Variants in OXR1 observed in about 807,000 individuals in gnomAD.
OXR1 encodes oxidation resistance protein 1.
OXR1 carries 41 observed loss-of-function variants against 104.6 expected under a neutral mutation model. That is an observed-to-expected ratio of 0.39 (90% CI 0.31 to 0.51). OXR1 has a LOEUF of 0.51. Ranked by LOEUF, OXR1 falls within the 20% of genes least tolerant of loss-of-function variation. OXR1 has a pLI of 0.77. For missense variants in OXR1, 955 were observed against 1,031.9 expected (o/e 0.93, Z 1.02); for synonymous variants, 348 against 348.4 (o/e 1.00, Z 0.01).
intron 3 of OXR1, among the ~76,000 whole-genome samples, chr8:106,601,824 C>T (rs1453196954): frequency 6.6e-6 from 1 of 152,108 alleles, no homozygotes; most frequent in African/African-American, 2.4e-5. Flanking sequence ...AGTGTTTGAT[C>T]AGTTATATTA....
At chr8:106,657,836 C>T (rs1348576827) in intron 3 of OXR1, 5 of 1,236,766 alleles carry the variant, frequency 4.0e-6, no homozygotes, top group Non-Finnish European at 5.1e-6. Context: ...GAGAGAGGGA[C>T]GCCCCCTCCT....
chr8:106,707,315 CTT>C, intron 9 of OXR1, 170 bp downstream of exon 9: 1 of 683,806 alleles, frequency 1.5e-6, no homozygotes, highest in East Asian at 2.7e-5. Context: ...TGTCTACTGT[CTT>C]TTCTTATCCC....
chr8:106,288,954 C>G (rs908993705), intron 1 of OXR1, among the ~76,000 whole-genome samples: 4 of 151,860 alleles, frequency 2.6e-5, no homozygotes, highest in Admixed American at 6.6e-5. Flanking sequence ...GTGAATAACA[C>G]CAGAGAAATC....
chr8:106,692,712 TAA>T lies in OXR1; in HGVS notation c.526-3_526-2del, dbSNP rs750764834. On this transcript the variant is annotated splice_polypyrimidine_tract_variant and intron_variant, in intron 6 of 16. Coordinates refer to ENST00000517566, the MANE Select transcript of OXR1 (RefSeq NM_001198533.2). The stretch of plus-strand genomic sequence containing the variant: ...TTTCTGCTTTTTTTTTTCTTTCCTT[TAA>T]AAAAAAAAAAAAGAATCCTGATGTC... 6,938 of 1,130,672 alleles carry T rather than the reference TAA, an allele frequency of 6.1e-3. No homozygotes were observed. The highest frequency in any genetic ancestry group is 0.011 in the South Asian group (479 of 43,272). 70.0% of individuals were successfully genotyped at this position (1,130,672 alleles called of 1,614,324 possible).
At chr8:106,665,643 C>T (rs1826226728) in intron 3 of OXR1, among the ~76,000 whole-genome samples, 1 of 152,108 alleles carries the variant, frequency 6.6e-6, no homozygotes, top group Admixed American at 6.5e-5. Context: ...AGAAATCTAA[C>T]ATTAAAAGTA....
intron 2 of OXR1, among the ~76,000 whole-genome samples, chr8:106,486,570 C>G (rs1207875533): frequency 6.6e-6 from 1 of 151,866 alleles, no homozygotes; most frequent in Non-Finnish European, 1.5e-5. Flanking sequence ...TTAACAATTC[C>G]TTTGTCTTTT....
At chr8:106,393,368 A>C (rs1272867415) in intron 2 of OXR1, among the ~76,000 whole-genome samples, 2 of 152,206 alleles carry the variant, frequency 1.3e-5, no homozygotes, top group African/African-American at 2.4e-5. Context: ...CCCAAAACAC[A>C]GTAACGAGTC....
intron 1 of OXR1, among the ~76,000 whole-genome samples, chr8:106,312,696 A>G (rs1813759778): frequency 6.6e-6 from 1 of 152,250 alleles, no homozygotes; most frequent in Non-Finnish European, 1.5e-5. Context: ...TTACTTGTGA[A>G]GAATGAAAAT....
intron 1 of OXR1, among the ~76,000 whole-genome samples, chr8:106,348,122 AT>A (rs1815572012): frequency 6.6e-6 from 1 of 152,198 alleles, no homozygotes; most frequent in Admixed American, 6.5e-5. Context: ...CAGTTTGTTC[AT>A]TGTGAAACAT....
At chr8:106,653,199 T>C (rs1476182519) in intron 3 of OXR1, among the ~76,000 whole-genome samples, 1 of 151,544 alleles carries the variant, frequency 6.6e-6, no homozygotes, top group Non-Finnish European at 1.5e-5. Flanking sequence ...GAATGATTAG[T>C]AACAATCCTT....
intron 2 of OXR1, among the ~76,000 whole-genome samples, chr8:106,396,824 G>A (rs1817801307): frequency 6.6e-6 from 1 of 152,022 alleles, no homozygotes. Context: ...TTAATGTTAG[G>A]AGAAACTAGA....
At chr8:106,694,751 T>G (rs1357171952) in intron 7 of OXR1, among the ~76,000 whole-genome samples, 1 of 114,052 alleles carries the variant, frequency 8.8e-6, no homozygotes, top group Non-Finnish European at 1.7e-5. Context: ...TATTTATATA[T>G]TAATATATAT....
At chr8:106,422,448 G>C (rs1222904384) in intron 2 of OXR1, among the ~76,000 whole-genome samples, 1 of 152,078 alleles carries the variant, frequency 6.6e-6, no homozygotes, top group Non-Finnish European at 1.5e-5. Flanking sequence ...ATTCCGTGCT[G>C]TGTCTTAGAA....
intron 12 of OXR1, among the ~76,000 whole-genome samples, 179 bp downstream of exon 12, chr8:106,737,779 AT>A (rs1834535486): frequency 6.6e-6 from 1 of 152,070 alleles, no homozygotes; most frequent in Non-Finnish European, 1.5e-5. Flanking sequence ...CTTTTCTGTC[AT>A]CTTTTCATTT....
chr8:106,617,923 T>A (rs1821376700), intron 3 of OXR1: 1 of 684,902 alleles, frequency 1.5e-6, no homozygotes, highest in Middle Eastern at 7.2e-4. Context: ...AAATGTTCAG[T>A]GAGCCAAGAG....
chr8:106,343,413 G>A (rs1249713257), intron 1 of OXR1, among the ~76,000 whole-genome samples: 2 of 152,154 alleles, frequency 1.3e-5, no homozygotes, highest in Non-Finnish European at 2.9e-5. Flanking sequence ...TGATGTCAAC[G>A]GGAATTTGTT....
intron 2 of OXR1, among the ~76,000 whole-genome samples, chr8:106,384,717 T>TTTTTTTC (rs1458335947): frequency 1.4e-5 from 2 of 146,034 alleles, no homozygotes; most frequent in South Asian, 4.6e-4. Flanking sequence ...CTTAAAATTC[T>TTTTTTTC]TTTTTTCTTT....
chr8:106,686,832 G>A (rs905031072), intron 6 of OXR1, among the ~76,000 whole-genome samples: 1 of 152,030 alleles, frequency 6.6e-6, no homozygotes, highest in Non-Finnish European at 1.5e-5. Flanking sequence ...GAATTTCCAT[G>A]GAAAACTATT....
intron 8 of OXR1, among the ~76,000 whole-genome samples, chr8:106,704,730 G>A (rs1468399679): frequency 6.6e-6 from 1 of 151,842 alleles, no homozygotes; most frequent in Non-Finnish European, 1.5e-5. Context: ...TGGTACTTTG[G>A]GGTTCTCTTA....
Sources: allele counts gnomAD v4.1 joint callset (sites outside exome capture counted in the v4.1 genomes callset), GRCh38; gene constraint gnomAD v4.1.1; transcripts MANE v1.5; gene names NCBI Gene and HGNC (gene_info 2026-07-23, HGNC 2026-07-21).